PHKB: variants seen among roughly 807,000 people sequenced by gnomAD.
The protein encoded by PHKB is phosphorylase kinase regulatory subunit beta, also known as phosphorylase b kinase regulatory subunit beta.
A neutral mutation model predicts 152.1 loss-of-function variants in PHKB; 122 were observed. The observed-to-expected ratio is 0.80, with a 90% CI of 0.69 to 0.93. The LOEUF is 0.93. PHKB is among the 40% of genes least tolerant of loss of function. The pLI is 0.00. For synonymous variants in PHKB, 436 were observed against 464.9 expected, an observed-to-expected ratio of 0.94 and a Z score of 0.80; for missense variants, 1,304 against 1,328.4, an observed-to-expected ratio of 0.98 and a Z score of 0.29.
At chr16:47,612,020 A>G (rs1418775347) in intron 14 of PHKB, among the ~76,000 whole-genome samples, 1 of 152,178 alleles carries the variant, frequency 6.6e-6, no homozygotes, top group Non-Finnish European at 1.5e-5. Context: ...TTGGGGAAGG[A>G]ATAGTTTTTA....
chr16:47,576,780 G>A (rs1000646724), intron 7 of PHKB, among the ~76,000 whole-genome samples: 5 of 151,968 alleles, frequency 3.3e-5, no homozygotes, highest in South Asian at 2.1e-4. Flanking sequence ...AGTCACTCCT[G>A]CATTATTTTG....
intron 7 of PHKB, among the ~76,000 whole-genome samples, chr16:47,574,150 C>T (rs1345684683): frequency 6.6e-6 from 1 of 152,178 alleles, no homozygotes; most frequent in African/African-American, 2.4e-5. Context: ...GAACTCTTGA[C>T]CTCAGGTGAC....
chr16:47,524,515 T>C (rs1185194027), intron 6 of PHKB, among the ~76,000 whole-genome samples: 5 of 152,214 alleles, frequency 3.3e-5, no homozygotes, highest in Non-Finnish European at 4.4e-5. Context: ...ACGCCTGTAA[T>C]CCCAGCACTT....
At chr16:47,638,618 A>G (rs776446061) in intron 14 of PHKB, among the ~76,000 whole-genome samples, 1 of 152,246 alleles carries the variant, frequency 6.6e-6, no homozygotes, top group African/African-American at 2.4e-5. Flanking sequence ...TCTGCCAAAG[A>G]AAGATACCAG....
At chr16:47,498,296 A>C (rs1381470971) in intron 2 of PHKB, among the ~76,000 whole-genome samples, 1 of 152,198 alleles carries the variant, frequency 6.6e-6, no homozygotes, top group Non-Finnish European at 1.5e-5. Flanking sequence ...TTTTATGTCA[A>C]TTGTGTATTT....
intron 16 of PHKB, among the ~76,000 whole-genome samples, chr16:47,646,987 T>G (rs1973140432): frequency 6.6e-6 from 1 of 152,294 alleles, no homozygotes; most frequent in African/African-American, 2.4e-5. Context: ...AACTCCTAAT[T>G]CATTCCAAGA....
chr16:47,499,715 C>T (rs1275114024), intron 2 of PHKB, 41 bp from the exon 3 acceptor site: 2 of 1,612,980 alleles, frequency 1.2e-6, no homozygotes, highest in African/African-American at 2.7e-5. Context: ...AGGAAAGTCG[C>T]TGACTGTACA....
chr16:47,465,115 A>T (rs1969645375), intron 1 of PHKB, among the ~76,000 whole-genome samples: 2 of 152,270 alleles, frequency 1.3e-5, no homozygotes, highest in African/African-American at 4.8e-5. Context: ...CTCTTTAAGG[A>T]ACTAAAATGA....
chr16:47,641,759 T>A, intron 16 of PHKB, 67 bp downstream of exon 16: 1 of 860,418 alleles, frequency 1.2e-6, no homozygotes, highest in Non-Finnish European at 2.0e-6. Flanking sequence ...TTGGACTTAG[T>A]TTACAGACAA....
chr16:47,575,906 G>C (rs1567312574), intron 7 of PHKB, among the ~76,000 whole-genome samples: 1 of 152,050 alleles, frequency 6.6e-6, no homozygotes, highest in South Asian at 2.1e-4. Context: ...AAGAAACCCT[G>C]TCTCTACTAA....
intron 13 of PHKB, among the ~76,000 whole-genome samples, chr16:47,610,159 A>ATTTTTTTTTTT (rs371224839): frequency 3.1e-3 from 312 of 99,402 alleles, no homozygotes; most frequent in East Asian, 7.9e-3. Flanking sequence ...TGCCCAGCTA[A>ATTTTTTTTTTT]TTTTTTTTTT....
chr16:47,542,429 A>G lies in PHKB; in HGVS notation c.595-5004A>G, dbSNP rs1400602671. Among the ~76,000 whole-genome samples, 6 of 152,282 alleles carry G rather than the reference A, an allele frequency of 3.9e-5. No individual in the cohort carries two copies. The East Asian group carries it at 1.2e-3, about 29-fold the overall frequency. On this transcript the variant is annotated intron_variant, in intron 6 of 30. Coordinates refer to ENST00000323584, the MANE Select transcript of PHKB (RefSeq NM_000293.3). Reference sequence around the variant, plus strand: ...CTTGTAGTATAGTTTGAAGTCAGGTAGCGTGATGCCTCCAGCTTCATTTTT... The same window carrying G: ...CTTGTAGTATAGTTTGAAGTCAGGTGGCGTGATGCCTCCAGCTTCATTTTT...
chr16:47,578,527 G>A (rs920317077), intron 7 of PHKB, among the ~76,000 whole-genome samples: 1 of 152,128 alleles, frequency 6.6e-6, no homozygotes, highest in African/African-American at 2.4e-5. Context: ...GGAATATAAG[G>A]CCATTATTTT....
chr16:47,599,514 T>C (rs1324808328), intron 13 of PHKB, among the ~76,000 whole-genome samples: 2 of 152,160 alleles, frequency 1.3e-5, no homozygotes, highest in African/African-American at 4.8e-5. Flanking sequence ...CATTGAACTT[T>C]CCGTAATAAA....
At chr16:47,639,155 T>C (rs1428439886) in intron 14 of PHKB, among the ~76,000 whole-genome samples, 1 of 152,094 alleles carries the variant, frequency 6.6e-6, no homozygotes, top group East Asian at 1.9e-4. Context: ...GCACCTGTAG[T>C]CCCAGCTACT....
intron 7 of PHKB, chr16:47,564,971 TCCCCCAG>T: frequency 4.2e-6 from 1 of 237,160 alleles, no homozygotes; most frequent in Non-Finnish European, 8.4e-6. Flanking sequence ...TTTTTTTTTT[TCCCCCAG>T]GAGATGGTGA....
chr16:47,547,672 C>T, intron 7 of PHKB, 124 bp downstream of exon 7: 1 of 671,714 alleles, frequency 1.5e-6, no homozygotes, highest in Non-Finnish European at 2.6e-6. Flanking sequence ...TTTTTTTCTA[C>T]CTATGATGCA....
At chr16:47,650,699 C>T in intron 19 of PHKB, 73 bp downstream of exon 19, 1 of 1,281,520 alleles carries the variant, frequency 7.8e-7, no homozygotes, top group Non-Finnish European at 1.1e-6. Context: ...GAAGAAAGGC[C>T]TCCTTGGATG....
At chr16:47,540,721 C>T (rs115479349) in intron 6 of PHKB, among the ~76,000 whole-genome samples, 263 of 151,462 alleles carry the variant, frequency 1.7e-3, no homozygotes, top group African/African-American at 6.0e-3. Context: ...AATAATCACA[C>T]GTATTTCAGT....
Sources: allele counts gnomAD v4.1 joint callset (sites outside exome capture counted in the v4.1 genomes callset), GRCh38; gene constraint gnomAD v4.1.1; transcripts MANE v1.5; gene names NCBI Gene and HGNC (gene_info 2026-07-23, HGNC 2026-07-21).